Variants in DIP2B observed in about 807,000 individuals in gnomAD.
DIP2B encodes disco-interacting protein 2 homolog B.
DIP2B carries 76 observed loss-of-function variants against 198.0 expected under a neutral mutation model. The observed-to-expected ratio is 0.38, with a 90% CI of 0.32 to 0.46. The LOEUF is 0.46. DIP2B is among the 20% of genes least tolerant of loss of function. The probability of loss-of-function intolerance (pLI) is 0.99; values close to 1 mark genes in which losing one functional copy is unlikely to be tolerated. For missense variants in DIP2B, 1,559 were observed against 1,978.4 expected (o/e 0.79, Z 4.02); for synonymous variants, 701 against 739.1 (o/e 0.95, Z 0.84).
At chr12:50,703,648 T>C (rs1376588438) in intron 19 of DIP2B, among the ~76,000 whole-genome samples, 1 of 152,206 alleles carries the variant, frequency 6.6e-6, no homozygotes, top group African/African-American at 2.4e-5. Context: ...AGGCACAGAG[T>C]ACTCCATTAA....
chr12:50,589,073 A>G (rs1011442786), intron 1 of DIP2B, among the ~76,000 whole-genome samples: 1 of 151,422 alleles, frequency 6.6e-6, no homozygotes, highest in Non-Finnish European at 1.5e-5. Context: ...AGTCCCAGCT[A>G]CTCGGGAGGC....
At chr12:50,514,430 A>G (rs996009912) in intron 1 of DIP2B, among the ~76,000 whole-genome samples, 45 of 151,856 alleles carry the variant, frequency 3.0e-4, no homozygotes, top group African/African-American at 1.0e-3. Context: ...TCCCTCCCTA[A>G]CACTTGGCAG....
At chr12:50,535,702 TTTA>T (rs1210818648) in intron 1 of DIP2B, among the ~76,000 whole-genome samples, 1 of 151,610 alleles carries the variant, frequency 6.6e-6, no homozygotes, top group African/African-American at 2.4e-5. Context: ...TAAATTTTAT[TTTA>T]TTATTATTAT....
intron 1 of DIP2B, among the ~76,000 whole-genome samples, chr12:50,620,254 G>A (rs2139461941): frequency 6.6e-6 from 1 of 152,278 alleles, no homozygotes; most frequent in African/African-American, 2.4e-5. Context: ...TGGGTGGCTG[G>A]CAGGCTCACG....
chr12:50,599,756 C>T (rs955537410), intron 1 of DIP2B, among the ~76,000 whole-genome samples: 33 of 152,194 alleles, frequency 2.2e-4, no homozygotes, highest in African/African-American at 7.5e-4. Context: ...AGGGTGTAAT[C>T]ATAGCCTTTG....
At chr12:50,579,697 A>G (rs1287328841) in intron 1 of DIP2B, among the ~76,000 whole-genome samples, 1 of 76,158 alleles carries the variant, frequency 1.3e-5, no homozygotes, top group Non-Finnish European at 2.4e-5. Context: ...ATATATATAT[A>G]TATATATATA....
At chr12:50,653,913 G>C (rs1475051026) in intron 3 of DIP2B, among the ~76,000 whole-genome samples, 1 of 151,866 alleles carries the variant, frequency 6.6e-6, no homozygotes, top group African/African-American at 2.4e-5. Flanking sequence ...TTACTCTGTT[G>C]CCCAGGCTGG....
intron 1 of DIP2B, among the ~76,000 whole-genome samples, chr12:50,591,404 T>A (rs918412735): frequency 3.3e-5 from 5 of 152,086 alleles, no homozygotes; most frequent in South Asian, 2.1e-4. Flanking sequence ...ATTCCTTTTT[T>A]AAAATTCTTG....
intron 1 of DIP2B, among the ~76,000 whole-genome samples, chr12:50,553,533 A>G (rs764522939): frequency 6.6e-6 from 1 of 152,220 alleles, no homozygotes; most frequent in Non-Finnish European, 1.5e-5. Context: ...GGTACGACTG[A>G]ATTAAGCATC....
rs943945294 is a variant in DIP2B at position 50,530,715 on chromosome 12, G to A, written c.100+25475G>A. Among the ~76,000 whole-genome samples the A allele has an allele frequency of 3.3e-5, 5 of 152,274 alleles. No individual in the cohort carries two copies. The South Asian group carries it at 8.3e-4, about 25-fold the overall frequency. ...GAGAATTTACGAGACTAGTATGGAG[G>A]AGGAGGAGGTGTGCACAGAGATTTG... On this transcript the variant is annotated intron_variant, in intron 1 of 37. Transcript: ENST00000301180.
intron 10 of DIP2B, among the ~76,000 whole-genome samples, chr12:50,685,475 C>T (rs997746130): frequency 1.3e-5 from 2 of 152,192 alleles, no homozygotes; most frequent in African/African-American, 2.4e-5. Context: ...GCTTTTCTCT[C>T]GAATTTTGGA....
rs200344620 is a variant in DIP2B, at chr12:50,706,803, C to CT, written c.2534+148dup. On this transcript the variant is annotated intron_variant, in intron 21 of 37. Coordinates refer to ENST00000301180, the MANE Select transcript of DIP2B (RefSeq NM_173602.3). ...TTTGTTAAGCATTGCATAAGCCTGGCTTTTTTTTTTCTTCTTCTTCTTCTT... is the reference window on the plus strand; with the variant it reads ...TTTGTTAAGCATTGCATAAGCCTGGCTTTTTTTTTTTCTTCTTCTTCTTCTT... 6.4e-3 allele frequency: 5,284 copies of CT among 831,796 alleles called. 27 individuals are homozygous for CT. The highest frequency in any genetic ancestry group is 0.027 in the African/African-American group (1,539 of 56,110). 51.5% of individuals were successfully genotyped at this position (831,796 alleles called of 1,614,324 possible). A position where few individuals can be genotyped will look rare whatever the true frequency, so the allele number is the denominator to read the frequency against.
intron 1 of DIP2B, among the ~76,000 whole-genome samples, chr12:50,546,316 G>A (rs1182218877): frequency 1.3e-5 from 2 of 152,164 alleles, no homozygotes; most frequent in Non-Finnish European, 2.9e-5. Flanking sequence ...TGGGAGTTCC[G>A]TGTTGTGAAA....
At chr12:50,681,666 A>T (rs1241188943) in intron 9 of DIP2B, among the ~76,000 whole-genome samples, 1 of 152,174 alleles carries the variant, frequency 6.6e-6, no homozygotes, top group Non-Finnish European at 1.5e-5. Flanking sequence ...TTTGGAATTC[A>T]TAGAATGAAA....
chr12:50,568,949 A>T (rs956964518), intron 1 of DIP2B, among the ~76,000 whole-genome samples: 2 of 145,808 alleles, frequency 1.4e-5, no homozygotes, highest in East Asian at 2.0e-4. Context: ...TTTATTCATC[A>T]TTTTTTTTTT....
At chr12:50,668,581 A>G (rs1376592628) in intron 4 of DIP2B, among the ~76,000 whole-genome samples, 1 of 152,228 alleles carries the variant, frequency 6.6e-6, no homozygotes, top group Non-Finnish European at 1.5e-5. Context: ...AAACCTAATC[A>G]TGAAAATACT....
At chr12:50,666,043 A>G (rs543223160) in intron 4 of DIP2B, among the ~76,000 whole-genome samples, 2 of 152,352 alleles carry the variant, frequency 1.3e-5, no homozygotes, top group East Asian at 3.9e-4. Context: ...GCTCTAATTA[A>G]TAGAGTCAGA....
intron 1 of DIP2B, among the ~76,000 whole-genome samples, chr12:50,517,264 A>T (rs1338315893): frequency 1.3e-5 from 2 of 151,124 alleles, no homozygotes; most frequent in Non-Finnish European, 2.9e-5. Flanking sequence ...TTAAATAGAG[A>T]TGGGGTTTTG....
chr12:50,695,794 A>G, intron 15 of DIP2B, 54 bp from the exon 16 acceptor site: 1 of 1,602,358 alleles, frequency 6.2e-7, no homozygotes, highest in Admixed American at 1.7e-5. Context: ...GTGGTGTATT[A>G]CATATGTCCC....
Sources: allele counts gnomAD v4.1 joint callset (sites outside exome capture counted in the v4.1 genomes callset), GRCh38; gene constraint gnomAD v4.1.1; transcripts MANE v1.5; gene names NCBI Gene and HGNC (gene_info 2026-07-23, HGNC 2026-07-21).